The following SNAP47 variants were observed in gnomAD, a reference collection of about 807,000 sequenced individuals.
SNAP47 encodes the protein synaptosome associated protein 47, also known as synaptosomal-associated protein 47.
Under a neutral mutation model 31.4 loss-of-function variants are expected in SNAP47, and 20 were observed. The observed-to-expected ratio is 0.64, with a 90% CI of 0.45 to 0.93. The LOEUF is 0.93. SNAP47 is among the 40% of genes least tolerant of loss of function. The pLI is 0.00. For synonymous variants in SNAP47, 194 were observed against 213.4 expected (o/e 0.91, Z 0.79); for missense variants, 492 against 528.5 (o/e 0.93, Z 0.68).
chr1:227,769,358 T>C (rs1003459689), intron 4 of SNAP47, among the ~76,000 whole-genome samples: 2 of 152,080 alleles, frequency 1.3e-5, no homozygotes, highest in African/African-American at 4.8e-5. Flanking sequence ...GTTGGTCAGA[T>C]GCGGGCCCCC....
At chr1:227,728,988 C>T (rs1660474734) in intron 1 of SNAP47, among the ~76,000 whole-genome samples, 1 of 152,152 alleles carries the variant, frequency 6.6e-6, no homozygotes, top group African/African-American at 2.4e-5. Flanking sequence ...CCACGAGCTG[C>T]GGCTCTCTAG....
At chr1:227,733,548 C>T (rs765627228), upstream of SNAP47, 26 of 1,605,464 alleles carry the variant, frequency 1.6e-5, no homozygotes, top group Non-Finnish European at 2.1e-5. Flanking sequence ...GGGGAGGTCA[C>T]GTCGTAGGGC....
intron 2 of SNAP47, among the ~76,000 whole-genome samples, chr1:227,754,763 T>G (rs980117914): frequency 3.3e-5 from 5 of 151,776 alleles, no homozygotes; most frequent in Non-Finnish European, 5.9e-5. Flanking sequence ...ACTGAGGAAA[T>G]GAGGGGGTCA....
In SNAP47 at chr1:227,780,759, C is replaced by A. The variant is rs761551077; in HGVS notation, c.*86C>A. Reference sequence around the variant, plus strand: ...GCGGCAGTGCCAGGGCTGCAGAGGCCTGTGGCCCTCCGGAGTGGTCTTCCT... The same window carrying A: ...GCGGCAGTGCCAGGGCTGCAGAGGCATGTGGCCCTCCGGAGTGGTCTTCCT... On this transcript the variant is annotated 3_prime_UTR_variant, in exon 5 of 5. Transcript: ENST00000617596. 1.9e-6 allele frequency: 3 copies of A among 1,566,736 alleles called. No homozygotes were observed. The highest frequency in any genetic ancestry group is 2.6e-6 in the Non-Finnish European group (3 of 1,154,312).
upstream of SNAP47, chr1:227,735,266 CG>C: frequency 6.2e-7 from 1 of 1,605,342 alleles, no homozygotes; most frequent in African/African-American, 1.3e-5. Flanking sequence ...GCGCGTCTCG[CG>C]GTCCATCCAG....
At chr1:227,772,552 G>A (rs545574876) in intron 4 of SNAP47, among the ~76,000 whole-genome samples, 5 of 152,266 alleles carry the variant, frequency 3.3e-5, no homozygotes, top group East Asian at 1.9e-4. Flanking sequence ...CGCTGTAAGC[G>A]TTCACGTGAG....
At chr1:227,753,387 C>T (rs998243687) in intron 2 of SNAP47, among the ~76,000 whole-genome samples, 1 of 152,168 alleles carries the variant, frequency 6.6e-6, no homozygotes. Flanking sequence ...GGTACTTAAC[C>T]ACATACTCTG....
chr1:227,777,109 T>TAAAA (rs3835265), intron 4 of SNAP47: 43 of 835,742 alleles, frequency 5.1e-5, no homozygotes, highest in Non-Finnish European at 6.0e-5. Context: ...ATGTCTTTTT[T>TAAAA]AAAAAAAAAA....
intron 2 of SNAP47, among the ~76,000 whole-genome samples, chr1:227,750,156 C>G (rs146140602): frequency 3.9e-5 from 6 of 152,368 alleles, no homozygotes; most frequent in Non-Finnish European, 8.8e-5. Context: ...TTTGCTGGCA[C>G]AAGGCCGGAG....
chr1:227,728,350 G>T (rs977984926), upstream of SNAP47, among the ~76,000 whole-genome samples: 3 of 152,068 alleles, frequency 2.0e-5, no homozygotes, highest in African/African-American at 7.2e-5. Context: ...CACCGGAGCG[G>T]GGGGGGCGGG....
intron 1 of SNAP47, chr1:227,746,342 C>T (rs773454675): frequency 4.6e-5 from 7 of 152,220 alleles, no homozygotes; most frequent in Non-Finnish European, 7.3e-5. Flanking sequence ...CCAGCCACAC[C>T]TCCTTCCCTG....
At chr1:227,771,969 C>T (rs1445775597) in intron 4 of SNAP47, among the ~76,000 whole-genome samples, 1 of 152,154 alleles carries the variant, frequency 6.6e-6, no homozygotes, top group Non-Finnish European at 1.5e-5. Context: ...AAGGCCACTA[C>T]CAGGCTGCAC....
At chr1:227,729,084 C>T (rs1558178573) in intron 1 of SNAP47, among the ~76,000 whole-genome samples, 1 of 152,226 alleles carries the variant, frequency 6.6e-6, no homozygotes, top group Non-Finnish European at 1.5e-5. Context: ...CAGGATTCTG[C>T]CCGTGGATTT....
upstream of SNAP47, chr1:227,732,687 G>C: frequency 6.2e-7 from 1 of 1,611,316 alleles, no homozygotes; most frequent in Non-Finnish European, 8.5e-7. Context: ...CTGGGCAGAG[G>C]GAAGAGGCCA....
chr1:227,767,157 T>G (rs1277767774), intron 4 of SNAP47, 74 bp downstream of exon 4: 2 of 1,578,664 alleles, frequency 1.3e-6, no homozygotes, highest in Non-Finnish European at 1.7e-6. Context: ...CTTGCCTTTC[T>G]GATCACAAAC....
rs76344594 is a variant in SNAP47 at position 227,770,435 on chromosome 1, A to G, written c.1113+3352A>G. On this transcript the variant is annotated intron_variant, in intron 4 of 4. Coordinates refer to ENST00000617596, the MANE Select transcript of SNAP47 (RefSeq NM_053052.4). ...TTGGCAGAAACCCTCTGCCCACTCC[A>G]CAGCGTCATGTCCCATGTGGACCAG... is the stretch of plus-strand genomic sequence containing the variant. 8.5e-3 allele frequency: 1,307 copies of G among 153,286 alleles called. 26 individuals carry two copies. Among genetic ancestry groups the G allele is most frequent in the African/African-American group, 0.03 (1,245 of 41,600 alleles). 9.5% of individuals were successfully genotyped at this position (153,286 alleles called of 1,614,324 possible). A position where few individuals can be genotyped will look rare whatever the true frequency, so the allele number is the denominator to read the frequency against.
intron 4 of SNAP47, among the ~76,000 whole-genome samples, chr1:227,769,658 G>A (rs924952486): frequency 2.0e-5 from 3 of 152,256 alleles, no homozygotes; most frequent in East Asian, 1.9e-4. Context: ...GGGGTGACAC[G>A]GCGAGCCCTT....
chr1:227,776,469 C>G, intron 4 of SNAP47: 1 of 985,942 alleles, frequency 1.0e-6, no homozygotes, highest in Non-Finnish European at 1.2e-6. Flanking sequence ...CGCCTCGCCT[C>G]TGACTCAGAG....
chr1:227,758,311 T>C (rs1410453969), intron 2 of SNAP47, among the ~76,000 whole-genome samples: 1 of 152,182 alleles, frequency 6.6e-6, no homozygotes, highest in Non-Finnish European at 1.5e-5. Flanking sequence ...CCTCCCAGTC[T>C]AGGGAGATTC....
Sources: allele counts gnomAD v4.1 joint callset (sites outside exome capture counted in the v4.1 genomes callset), GRCh38; gene constraint gnomAD v4.1.1; transcripts MANE v1.5; gene names NCBI Gene and HGNC (gene_info 2026-07-23, HGNC 2026-07-21).